GPBP1: variants seen among roughly 807,000 people sequenced by gnomAD.
The protein encoded by GPBP1 is vasculin.
GPBP1 carries 13 observed loss-of-function variants against 56.5 expected under a neutral mutation model. That is an observed-to-expected ratio of 0.23 (90% CI 0.15 to 0.37). The LOEUF (loss-of-function observed/expected upper bound fraction) is 0.37. Among genes scored for constraint, GPBP1 ranks in the 10% least tolerant of loss-of-function variants. The pLI is 1.00. For synonymous variants in GPBP1, 204 were observed against 188.9 expected, an observed-to-expected ratio of 1.08 and a Z score of -0.66; for missense variants, 477 against 572.3, an observed-to-expected ratio of 0.83 and a Z score of 1.70.
At chr5:57,211,305 G>A (rs945466718) in intron 2 of GPBP1, among the ~76,000 whole-genome samples, 9 of 151,996 alleles carry the variant, frequency 5.9e-5, no homozygotes, top group African/African-American at 1.9e-4. Context: ...TCTTCCCTCA[G>A]TCTCCGTAGT....
rs1246152698 is a variant in GPBP1 at position 57,246,286 on chromosome 5, C to CT, written c.479-11dup. The CT allele has an allele frequency of 3.1e-6, 5 of 1,597,856 alleles. No individual in the cohort carries two copies. The highest frequency in any genetic ancestry group is 1.3e-5 in the African/African-American group (1 of 74,340). On this transcript the variant is annotated splice_polypyrimidine_tract_variant and intron_variant, in intron 6 of 11. Coordinates refer to ENST00000506184, the MANE Select transcript of GPBP1 (RefSeq NM_022913.4). ...AAATTGTGAGTGACTCTTGGTCATG[C>CT]TTTATTTATGCAGAATATCCTCCGA...
Position 57,261,204 on chromosome 5 carries a change from G to T in GPBP1, c.1185G>T (p.Gln395His). 6.2e-7 allele frequency: 1 copy of T among 1,612,438 alleles called. No homozygotes were observed. Among genetic ancestry groups the T allele is most frequent in the Non-Finnish European group, 8.5e-7 (1 of 1,178,606 alleles). ...GATTGTTAAAGGAAATGGGCTGGCA[G>T]GAAGACAGTGAAAATGATGAAACAT... is the stretch of plus-strand genomic sequence containing the variant. Reference protein sequence around the residue: ...EHRLLKEMGWQEDSENDETCA... With the variant: ...EHRLLKEMGWHEDSENDETCA... Residue 395 changes from glutamine to histidine, a missense_variant, in exon 11 of 12, where the codon CAG becomes CAT. Coordinates refer to ENST00000506184, the MANE Select transcript of GPBP1 (RefSeq NM_022913.4).
At chr5:57,214,002 T>A in intron 2 of GPBP1, 72 bp from the exon 3 acceptor site, 1 of 689,344 alleles carries the variant, frequency 1.5e-6, no homozygotes, top group Admixed American at 2.4e-5. Flanking sequence ...AGTAGTAAGA[T>A]CATTGTAATA....
chr5:57,174,788 T>A (rs1207935975), intron 1 of GPBP1, among the ~76,000 whole-genome samples: 1 of 152,200 alleles, frequency 6.6e-6, no homozygotes, highest in Non-Finnish European at 1.5e-5. Flanking sequence ...AAGGGCCCTG[T>A]ACCTTCCACC....
intron 2 of GPBP1, among the ~76,000 whole-genome samples, chr5:57,178,166 T>TA (rs1753878410): frequency 6.6e-6 from 1 of 152,350 alleles, no homozygotes; most frequent in African/African-American, 2.4e-5. Flanking sequence ...TGCTTAACAA[T>TA]ATGCATCTTA....
At chr5:57,200,815 G>A (rs1005485544) in intron 2 of GPBP1, among the ~76,000 whole-genome samples, 2 of 152,180 alleles carry the variant, frequency 1.3e-5, no homozygotes, top group Non-Finnish European at 2.9e-5. Context: ...ACAAGTAGCT[G>A]GGACTACAGG....
intron 5 of GPBP1, among the ~76,000 whole-genome samples, chr5:57,234,705 A>G (rs954079530): frequency 1.3e-5 from 2 of 152,214 alleles, no homozygotes; most frequent in Admixed American, 6.5e-5. Flanking sequence ...CACGTGTGAG[A>G]TGGATTTGAT....
At chr5:57,256,872 T>TTAA (rs1452647012) in intron 10 of GPBP1, among the ~76,000 whole-genome samples, 1 of 152,164 alleles carries the variant, frequency 6.6e-6, no homozygotes, top group Admixed American at 6.5e-5. Context: ...GCTAAGAGAG[T>TTAA]TAATGGCTTT....
intron 2 of GPBP1, among the ~76,000 whole-genome samples, chr5:57,182,108 C>T (rs752509159): frequency 2.0e-5 from 3 of 152,068 alleles, no homozygotes; most frequent in Non-Finnish European, 4.4e-5. Context: ...TTTTTTGAGA[C>T]GGAGTCTCCC....
At chr5:57,215,750 T>G (rs1047249515) in intron 3 of GPBP1, among the ~76,000 whole-genome samples, 10 of 152,300 alleles carry the variant, frequency 6.6e-5, no homozygotes, top group East Asian at 1.9e-4. Context: ...AGAGACTGCT[T>G]CTTACCCTTG....
chr5:57,250,119 T>G lies in GPBP1; in HGVS notation c.972+543T>G, dbSNP rs537640625. 2.0e-5 allele frequency among the ~76,000 whole-genome samples: 3 copies of G among 147,850 alleles called. No individual in the cohort carries two copies. The South Asian group carries it at 6.6e-4, about 32-fold the overall frequency. ...GCCTTCCTGGTAGCTGGGACTATAT[T>G]TATGTGCCACCACACCTGGCTAATT... On this transcript the variant is annotated intron_variant, in intron 9 of 11. Coordinates refer to ENST00000506184, the MANE Select transcript of GPBP1 (RefSeq NM_022913.4).
chr5:57,188,986 C>T (rs1410376407), intron 2 of GPBP1, among the ~76,000 whole-genome samples: 1 of 152,092 alleles, frequency 6.6e-6, no homozygotes, highest in East Asian at 1.9e-4. Flanking sequence ...CTCTTTCTGT[C>T]TGTCTGTCTG....
At chr5:57,193,169 T>C (rs896949394) in intron 2 of GPBP1, among the ~76,000 whole-genome samples, 7 of 151,930 alleles carry the variant, frequency 4.6e-5, no homozygotes, top group African/African-American at 7.3e-5. Context: ...ATACAAAAAT[T>C]AGCTGGGCAT....
chr5:57,178,692 C>T (rs1753906572), intron 2 of GPBP1, among the ~76,000 whole-genome samples: 1 of 152,182 alleles, frequency 6.6e-6, no homozygotes, highest in East Asian at 1.9e-4. Flanking sequence ...TACAGCAGTT[C>T]TTCAAGGACA....
chr5:57,230,989 G>C lies in GPBP1; in HGVS notation c.187+20G>C, dbSNP rs757258199. 2 of 1,580,312 alleles carry C rather than the reference G, an allele frequency of 1.3e-6. No individual in the cohort carries two copies. Among genetic ancestry groups the C allele is most frequent in the Non-Finnish European group, 1.7e-6 (2 of 1,167,424 alleles). On this transcript the variant is annotated intron_variant, in intron 4 of 11. Coordinates refer to ENST00000506184, the MANE Select transcript of GPBP1 (RefSeq NM_022913.4). The stretch of plus-strand genomic sequence containing the variant: ...ATGGAGGTAAAATTTGCTAAGGAAT[G>C]ATGTTTATGGCTAATTTTCTTTATG...
chr5:57,223,719 TATAAA>T (rs1206920009), intron 3 of GPBP1, among the ~76,000 whole-genome samples: 3 of 151,382 alleles, frequency 2.0e-5, no homozygotes, highest in Admixed American at 6.6e-5. Flanking sequence ...GTATAATTGG[TATAAA>T]AGAAATGAGA....
chr5:57,209,106 A>G (rs1364405042), intron 2 of GPBP1, among the ~76,000 whole-genome samples: 1 of 151,972 alleles, frequency 6.6e-6, no homozygotes, highest in Non-Finnish European at 1.5e-5. Context: ...TTGTTTTCCT[A>G]ATTTCTTTTT....
chr5:57,238,490 A>G (rs1465843746), intron 6 of GPBP1, among the ~76,000 whole-genome samples: 1 of 152,152 alleles, frequency 6.6e-6, no homozygotes, highest in Non-Finnish European at 1.5e-5. Flanking sequence ...CCTGGGAGGC[A>G]GAGGTTGCGG....
At chr5:57,258,035 A>G (rs553784435) in intron 10 of GPBP1, among the ~76,000 whole-genome samples, 1 of 152,314 alleles carries the variant, frequency 6.6e-6, no homozygotes, top group Non-Finnish European at 1.5e-5. Flanking sequence ...TTCTAATCCT[A>G]GATTTTCTCT....
Sources: allele counts gnomAD v4.1 joint callset (sites outside exome capture counted in the v4.1 genomes callset), GRCh38; gene constraint gnomAD v4.1.1; transcripts MANE v1.5; gene names NCBI Gene and HGNC (gene_info 2026-07-23, HGNC 2026-07-21).